Variants in FAM227B observed in about 807,000 individuals in gnomAD.
FAM227B encodes the protein protein FAM227B.
A neutral mutation model predicts 73.8 loss-of-function variants in FAM227B; 88 were observed. That is an observed-to-expected ratio of 1.19 (90% CI 1.00 to 1.42). FAM227B has a LOEUF of 1.42. Ranked by LOEUF, FAM227B falls within the 40% of genes most tolerant of loss-of-function variation. The pLI is 0.00. For missense variants in FAM227B, 632 were observed against 590.9 expected (o/e 1.07, Z -0.72); for synonymous variants, 210 against 190.5 (o/e 1.10, Z -0.84).
chr15:49,455,460 G>A (rs1447702010), intron 11 of FAM227B, among the ~76,000 whole-genome samples: 1 of 152,126 alleles, frequency 6.6e-6, no homozygotes, highest in African/African-American at 2.4e-5. Context: ...TAAAATTGTA[G>A]TAAGGCAATG....
At chr15:49,406,017 C>G (rs182366065) in intron 11 of FAM227B, among the ~76,000 whole-genome samples, 1 of 152,178 alleles carries the variant, frequency 6.6e-6, no homozygotes, top group African/African-American at 2.4e-5. Context: ...AGGGGGCCAA[C>G]GCTCAGCTCC....
chr15:49,605,729 A>G (rs1598510182), intron 3 of FAM227B, among the ~76,000 whole-genome samples: 1 of 150,968 alleles, frequency 6.6e-6, no homozygotes, highest in Non-Finnish European at 1.5e-5. Context: ...TCCCCTGGAA[A>G]TGGCCTGGAG....
chr15:49,478,731 A>G (rs1311987674), intron 11 of FAM227B, among the ~76,000 whole-genome samples: 16 of 152,160 alleles, frequency 1.1e-4, no homozygotes, highest in Non-Finnish European at 1.5e-5. Flanking sequence ...TACCCCTTCA[A>G]AACTTTAAAT....
intron 13 of FAM227B, among the ~76,000 whole-genome samples, chr15:49,346,621 T>G (rs1214309346): frequency 6.6e-6 from 1 of 152,142 alleles, no homozygotes; most frequent in African/African-American, 2.4e-5. Flanking sequence ...AGAATGAAGC[T>G]TCAGGAGGCT....
intron 10 of FAM227B, among the ~76,000 whole-genome samples, chr15:49,510,094 A>T (rs559462777): frequency 6.6e-6 from 1 of 152,236 alleles, no homozygotes; most frequent in East Asian, 1.9e-4. Flanking sequence ...CTATATTGTT[A>T]CATTTTGATG....
At chr15:49,383,268 G>A (rs774560240) in intron 11 of FAM227B, among the ~76,000 whole-genome samples, 1 of 152,124 alleles carries the variant, frequency 6.6e-6, no homozygotes, top group Non-Finnish European at 1.5e-5. Context: ...GTACTTCACA[G>A]ATATTGCTTT....
intron 11 of FAM227B, among the ~76,000 whole-genome samples, chr15:49,418,405 T>A (rs2049363809): frequency 6.6e-6 from 1 of 152,196 alleles, no homozygotes; most frequent in Non-Finnish European, 1.5e-5. Context: ...AGATATGGAA[T>A]CAATCTAAAT....
At chr15:49,540,963 C>A (rs2070986463) in intron 10 of FAM227B, among the ~76,000 whole-genome samples, 2 of 152,120 alleles carry the variant, frequency 1.3e-5, no homozygotes, top group African/African-American at 4.8e-5. Context: ...AAGTATAAAA[C>A]ATTTTCTTAT....
At chr15:49,512,759 C>T (rs1450272159) in intron 10 of FAM227B, among the ~76,000 whole-genome samples, 1 of 151,988 alleles carries the variant, frequency 6.6e-6, no homozygotes, top group African/African-American at 2.4e-5. Context: ...TCACCCTCTC[C>T]CCACTCGACA....
At chr15:49,474,481 A>G (rs1319236560) in intron 11 of FAM227B, among the ~76,000 whole-genome samples, 1 of 152,240 alleles carries the variant, frequency 6.6e-6, no homozygotes, top group East Asian at 1.9e-4. Flanking sequence ...TAATGAGATT[A>G]TATAGCTGAC....
intron 10 of FAM227B, among the ~76,000 whole-genome samples, chr15:49,526,510 A>G (rs1261234701): frequency 6.6e-6 from 1 of 152,084 alleles, no homozygotes; most frequent in Non-Finnish European, 1.5e-5. Flanking sequence ...AACAAACTAA[A>G]CCCAAAGCTA....
chr15:49,595,501 T>C (rs995543512), intron 3 of FAM227B, among the ~76,000 whole-genome samples: 8 of 152,010 alleles, frequency 5.3e-5, no homozygotes, highest in Non-Finnish European at 8.8e-5. Context: ...GTGGTGAAAG[T>C]GGGCATACTT....
intron 9 of FAM227B, among the ~76,000 whole-genome samples, chr15:49,561,086 A>G (rs1415076432): frequency 6.6e-6 from 1 of 152,164 alleles, no homozygotes. Flanking sequence ...CAGAGTGGCA[A>G]GTTGACTTGA....
intron 11 of FAM227B, among the ~76,000 whole-genome samples, chr15:49,419,014 G>T (rs935977265): frequency 6.6e-6 from 1 of 152,156 alleles, no homozygotes; most frequent in African/African-American, 2.4e-5. Flanking sequence ...GCATCTGGGT[G>T]TTGAGTCATT....
chr15:49,366,171 T>C lies in FAM227B; in HGVS notation c.1271+1277A>G, dbSNP rs141722144. On this transcript the variant is annotated intron_variant, in intron 13 of 15. Coordinates refer to ENST00000299338, the MANE Select transcript of FAM227B (RefSeq NM_152647.3). ...ACAGCAATTACAAAAATAACCACCA[T>C]AGTATAATCAAAGTTAGGCCACGAT... The C allele has an allele frequency of 1.6e-4, 143 of 884,598 alleles. No individual in the cohort carries two copies. The East Asian group carries it at 3.2e-3, about 20-fold the overall frequency. The allele number at this position is 884,598 out of a possible 1,614,324, so 54.8% of individuals were successfully genotyped here.
chr15:49,490,804 A>G (rs534025351), intron 11 of FAM227B, among the ~76,000 whole-genome samples: 1 of 152,128 alleles, frequency 6.6e-6, no homozygotes, highest in African/African-American at 2.4e-5. Context: ...TCAACCAATT[A>G]ATAGATACAA....
At chr15:49,377,760 T>C (rs2046265028) in intron 11 of FAM227B, among the ~76,000 whole-genome samples, 1 of 152,132 alleles carries the variant, frequency 6.6e-6, no homozygotes, top group Non-Finnish European at 1.5e-5. Flanking sequence ...TGGTTATTAA[T>C]CCCTTGTCAG....
At chr15:49,609,373 T>C (rs1342379510) in intron 3 of FAM227B, among the ~76,000 whole-genome samples, 1 of 151,558 alleles carries the variant, frequency 6.6e-6, no homozygotes, top group Non-Finnish European at 1.5e-5. Flanking sequence ...CCAAAAAAGA[T>C]AGAAATGGTA....
chr15:49,522,618 C>A (rs377355326), intron 10 of FAM227B, among the ~76,000 whole-genome samples: 69 of 152,036 alleles, frequency 4.5e-4, no homozygotes, highest in African/African-American at 1.6e-3. Flanking sequence ...ATAAAAAACT[C>A]TCTGAAAGAA....
Sources: gnomAD v4.1 joint callset for allele counts (sites outside exome capture counted in the v4.1 genomes callset) on GRCh38, gnomAD v4.1.1 for gene constraint, MANE v1.5 for transcripts, NCBI Gene and HGNC (gene_info 2026-07-23, HGNC 2026-07-21) for gene names.